The following KHDRBS2 variants were observed in gnomAD, a reference collection of about 807,000 sequenced individuals.
KHDRBS2 encodes KH domain-containing, RNA-binding, signal transduction-associated protein 2.
Under a neutral mutation model 44.3 loss-of-function variants are expected in KHDRBS2, and 26 were observed. The observed-to-expected ratio is 0.59, with a 90% CI of 0.43 to 0.81. The LOEUF is 0.81. KHDRBS2 is among the 40% of genes least tolerant of loss of function. KHDRBS2 has a pLI of 0.00. For synonymous variants in KHDRBS2, 194 were observed against 151.1 expected (o/e 1.28, Z -2.08); for missense variants, 476 against 433.1 (o/e 1.10, Z -0.88).
chr6:61,621,301 A>G, the KHDRBS2 span, among the ~76,000 whole-genome samples: 1 of 152,364 alleles, frequency 6.6e-6, no homozygotes, highest in South Asian at 2.1e-4. Flanking sequence ...CAATGCCTAC[A>G]CAGATGGTGG....
the KHDRBS2 span, among the ~76,000 whole-genome samples, chr6:61,637,109 T>C: frequency 6.6e-6 from 1 of 152,106 alleles, no homozygotes; most frequent in Admixed American, 6.6e-5. Context: ...CGTATACATG[T>C]GCCATGCTGG....
chr6:62,032,601 A>G (rs1159238015), intron 3 of KHDRBS2, among the ~76,000 whole-genome samples: 1 of 151,456 alleles, frequency 6.6e-6, no homozygotes, highest in East Asian at 1.9e-4. Context: ...AACCCTGACA[A>G]ATAAAACCGT....
intron 2 of KHDRBS2, among the ~76,000 whole-genome samples, chr6:62,109,570 A>G (rs1804508570): frequency 6.6e-6 from 1 of 152,048 alleles, no homozygotes; most frequent in African/African-American, 2.4e-5. Context: ...AGCTACCAAT[A>G]GATAAGTTTG....
At chr6:61,612,803 A>G in the KHDRBS2 span, among the ~76,000 whole-genome samples, 2 of 148,618 alleles carry the variant, frequency 1.3e-5, no homozygotes, top group Non-Finnish European at 3.0e-5. Flanking sequence ...CCTCTTCTCC[A>G]TAGGCAAAGT....
At chr6:62,227,094 T>A (rs1832006114) in intron 1 of KHDRBS2, among the ~76,000 whole-genome samples, 1 of 152,204 alleles carries the variant, frequency 6.6e-6, no homozygotes, top group Non-Finnish European at 1.5e-5. Flanking sequence ...CAGCACTGAA[T>A]TTATAAATTA....
intron 6 of KHDRBS2, among the ~76,000 whole-genome samples, chr6:61,823,342 A>G (rs1332326825): frequency 6.6e-6 from 1 of 152,074 alleles, no homozygotes; most frequent in Non-Finnish European, 1.5e-5. Flanking sequence ...TTAAGCTAAA[A>G]CCAAATACAT....
At chr6:62,176,157 T>A (rs1438243996) in intron 2 of KHDRBS2, among the ~76,000 whole-genome samples, 1 of 151,362 alleles carries the variant, frequency 6.6e-6, no homozygotes, top group Non-Finnish European at 1.5e-5. Context: ...TTTCTAAGAC[T>A]GCCCAATTTA....
Position 62,073,497 on chromosome 6 carries a change from C to T in KHDRBS2, c.220-25503G>A, listed in dbSNP as rs1302215122. Among the ~76,000 whole-genome samples the T allele has an allele frequency of 2.0e-5, 3 of 148,254 alleles. No individual in the cohort carries two copies. The East Asian group carries it at 5.9e-4, about 29-fold the overall frequency. ...TAATTTTGCTCATCTTTACAAAGAGCCAGATTATGGTTTGGTGATTTTTTT... is the reference window on the plus strand; with the variant it reads ...TAATTTTGCTCATCTTTACAAAGAGTCAGATTATGGTTTGGTGATTTTTTT... On this transcript the variant is annotated intron_variant, in intron 2 of 8. Transcript: ENST00000281156.
chr6:61,796,826 T>C (rs767182557), intron 6 of KHDRBS2, among the ~76,000 whole-genome samples: 1 of 152,120 alleles, frequency 6.6e-6, no homozygotes, highest in Non-Finnish European at 1.5e-5. Flanking sequence ...CAATGGTTCA[T>C]AGGAAAAGAT....
intron 2 of KHDRBS2, among the ~76,000 whole-genome samples, chr6:62,072,919 C>T (rs1382037749): frequency 1.3e-5 from 2 of 152,038 alleles, no homozygotes; most frequent in East Asian, 3.9e-4. Flanking sequence ...AGGAATGGTA[C>T]CAGCTCCCCC....
the KHDRBS2 span, among the ~76,000 whole-genome samples, chr6:61,632,611 T>C: frequency 1.1e-4 from 16 of 152,300 alleles, no homozygotes; most frequent in Non-Finnish European, 1.5e-5. Flanking sequence ...CTTGATTGCA[T>C]GTATTTTCTA....
intron 2 of KHDRBS2, among the ~76,000 whole-genome samples, chr6:62,050,032 A>G (rs1049867651): frequency 1.3e-5 from 2 of 152,110 alleles, no homozygotes; most frequent in African/African-American, 4.8e-5. Context: ...AAAGACTTGG[A>G]ACCAACCCAA....
intron 8 of KHDRBS2, among the ~76,000 whole-genome samples, chr6:61,690,092 T>C (rs1349042538): frequency 2.0e-5 from 3 of 152,006 alleles, no homozygotes; most frequent in Non-Finnish European, 4.4e-5. Flanking sequence ...CAACGTATTT[T>C]GTCTTTTTTT....
At chr6:62,029,123 A>G (rs1028701336) in intron 3 of KHDRBS2, among the ~76,000 whole-genome samples, 1 of 152,008 alleles carries the variant, frequency 6.6e-6, no homozygotes, top group African/African-American at 2.4e-5. Context: ...AAGTATGGGT[A>G]ATGGTATTTA....
chr6:62,059,536 T>C (rs536752521), intron 2 of KHDRBS2, among the ~76,000 whole-genome samples: 16 of 151,546 alleles, frequency 1.1e-4, no homozygotes, highest in Non-Finnish European at 1.6e-4. Flanking sequence ...TAGTGTGAAG[T>C]AGTAATCAAA....
intron 6 of KHDRBS2, among the ~76,000 whole-genome samples, chr6:61,770,500 T>C (rs530036307): frequency 1.3e-5 from 2 of 152,082 alleles, no homozygotes; most frequent in Admixed American, 6.6e-5. Context: ...AAGGACCTGA[T>C]GGAGCTGAAA....
intron 7 of KHDRBS2, among the ~76,000 whole-genome samples, chr6:61,715,978 G>T (rs1771344342): frequency 2.0e-5 from 1 of 50,490 alleles, no homozygotes; most frequent in Admixed American, 2.0e-4. Flanking sequence ...TTTTAAAATG[G>T]CTACATTTTT....
chr6:61,963,140 C>T (rs533954189), intron 4 of KHDRBS2, among the ~76,000 whole-genome samples: 66 of 152,098 alleles, frequency 4.3e-4, no homozygotes, highest in Non-Finnish European at 7.6e-4. Flanking sequence ...CAAATATATG[C>T]AAAGCAAATA....
At chr6:62,020,886 C>A (rs954723977) in intron 3 of KHDRBS2, among the ~76,000 whole-genome samples, 41 of 151,978 alleles carry the variant, frequency 2.7e-4, no homozygotes, top group African/African-American at 9.7e-4. Context: ...TGGATATACA[C>A]CCAAAATAAT....
Sources: allele counts gnomAD v4.1 joint callset (sites outside exome capture counted in the v4.1 genomes callset), GRCh38; gene constraint gnomAD v4.1.1; transcripts MANE v1.5; gene names NCBI Gene and HGNC (gene_info 2026-07-23, HGNC 2026-07-21).